Variants in CCR3 observed in about 807,000 individuals in gnomAD.
The protein encoded by CCR3 is C-C chemokine receptor type 3.
For synonymous variants in CCR3, 203 were observed against 179.2 expected, an observed-to-expected ratio of 1.13 and a Z score of -1.06; for missense variants, 419 against 437.5, an observed-to-expected ratio of 0.96 and a Z score of 0.38.
chr3:46,243,021 T>TATA (rs1700123419), intron 1 of CCR3, among the ~76,000 whole-genome samples: 3 of 63,390 alleles, frequency 4.7e-5, no homozygotes, highest in African/African-American at 1.0e-4. Context: ...ACACATACAT[T>TATA]TTTATATATA....
At chr3:46,258,066 C>G (rs1356162019) in intron 1 of CCR3, among the ~76,000 whole-genome samples, 1 of 152,194 alleles carries the variant, frequency 6.6e-6, no homozygotes, top group African/African-American at 2.4e-5. Flanking sequence ...GCCTGTCAAC[C>G]CTGAAAGCAG....
chr3:46,252,169 CTTTT>C (rs58623050), intron 1 of CCR3, among the ~76,000 whole-genome samples: 5 of 86,844 alleles, frequency 5.8e-5, no homozygotes, highest in Non-Finnish European at 1.1e-4. Context: ...TAGTTTCTGT[CTTTT>C]TTTTTTTTTT....
At chr3:46,255,281 G>C (rs548530810) in intron 1 of CCR3, among the ~76,000 whole-genome samples, 1 of 152,172 alleles carries the variant, frequency 6.6e-6, no homozygotes, top group African/African-American at 2.4e-5. Context: ...GTTCCTTGTA[G>C]ATTCTGGATA....
At chr3:46,228,830 C>T (rs1699931662) in intron 2 of CCR3, among the ~76,000 whole-genome samples, 1 of 152,220 alleles carries the variant, frequency 6.6e-6, no homozygotes, top group Non-Finnish European at 1.5e-5. Context: ...AAACACTTGG[C>T]ATGTGCCTGC....
intron 2 of CCR3, among the ~76,000 whole-genome samples, chr3:46,222,642 C>G (rs1006910515): frequency 3.3e-5 from 5 of 152,196 alleles, no homozygotes; most frequent in African/African-American, 9.6e-5. Flanking sequence ...ATGGCAGCAC[C>G]TTGCCACAGG....
chr3:46,246,850 G>A (rs184932384), intron 1 of CCR3, among the ~76,000 whole-genome samples: 6 of 152,154 alleles, frequency 3.9e-5, no homozygotes, highest in East Asian at 1.9e-4. Flanking sequence ...TGCTTCAAGC[G>A]GGATTAGGGG....
intron 2 of CCR3, among the ~76,000 whole-genome samples, chr3:46,227,236 C>T (rs762455819): frequency 6.6e-6 from 1 of 152,052 alleles, no homozygotes; most frequent in South Asian, 2.1e-4. Flanking sequence ...TGTCAATATT[C>T]AACAAACTAG....
At position 46,265,485 on chromosome 3, in the gene CCR3, C is replaced by T. The variant is rs200374023; in HGVS notation, c.327C>T (p.Leu109=). ...WVFGHGMCKL[L]SGFYHTGLYS... ...TTGGCCATGGCATGTGTAAGCTCCTCTCAGGGTTTTATCACACAGGCTTGT... is the reference window on the plus strand; with the variant it reads ...TTGGCCATGGCATGTGTAAGCTCCTTTCAGGGTTTTATCACACAGGCTTGT... The change falls in exon 2 of 2, where the codon CTC becomes CTT. Residue 109 remains leucine (L), a synonymous_variant. Coordinates refer to ENST00000395940, the MANE Select transcript of CCR3 (RefSeq NM_178329.3). The T allele has an allele frequency of 8.7e-6, 14 of 1,614,180 alleles. No homozygotes were observed. Among genetic ancestry groups the T allele is most frequent in the Non-Finnish European group, 1.2e-5 (14 of 1,180,018 alleles).
chr3:46,251,167 G>A (rs1331673576), intron 1 of CCR3, among the ~76,000 whole-genome samples: 1 of 152,088 alleles, frequency 6.6e-6, no homozygotes, highest in Admixed American at 6.5e-5. Flanking sequence ...TAAGGGTGAA[G>A]GACCAAGGCA....
intron 1 of CCR3, chr3:46,264,648 T>C (rs894821222): frequency 1.9e-6 from 1 of 534,436 alleles, no homozygotes; most frequent in Non-Finnish European, 3.3e-6. Context: ...GGCTCATCAT[T>C]ATGGGGCCCT....
chr3:46,265,457 T>A lies in CCR3; in HGVS notation c.299T>A (p.Val100Asp). ...CACTATGTCAGGGGGCATAACTGGGTTTTTGGCCATGGCATGTGTAAGCTC... is the reference window on the plus strand; with the variant it reads ...CACTATGTCAGGGGGCATAACTGGGATTTTGGCCATGGCATGTGTAAGCTC... ...WIHYVRGHNWVFGHGMCKLLS... is the reference protein window; with the variant it reads ...WIHYVRGHNWDFGHGMCKLLS... Residue 100 changes from valine (V) to aspartate (D), a missense_variant, in exon 2 of 2, where the codon GTT becomes GAT. Val to Asp is a radical substitution (Grantham distance 152, BLOSUM62 -3). Coordinates refer to ENST00000395940, the MANE Select transcript of CCR3 (RefSeq NM_178329.3). 1 of 1,614,056 alleles carries A rather than the reference T, an allele frequency of 6.2e-7. No individual in the cohort carries two copies. The highest frequency in any genetic ancestry group is 8.5e-7 in the Non-Finnish European group (1 of 1,179,968).
upstream of CCR3, among the ~76,000 whole-genome samples, chr3:46,237,903 T>G (rs570517482): frequency 6.6e-6 from 1 of 152,354 alleles, no homozygotes; most frequent in Admixed American, 6.5e-5. Context: ...TCCAGGTGCC[T>G]GATTTTGATC....
intron 2 of CCR3, among the ~76,000 whole-genome samples, chr3:46,221,254 G>C (rs1437950606): frequency 1.3e-5 from 2 of 152,180 alleles, no homozygotes; most frequent in Non-Finnish European, 2.9e-5. Context: ...GCACACCATT[G>C]CAGAGTACCT....
intron 2 of CCR3, among the ~76,000 whole-genome samples, chr3:46,230,534 C>T (rs1699950401): frequency 6.6e-6 from 1 of 152,032 alleles, no homozygotes; most frequent in African/African-American, 2.4e-5. Context: ...CCATTTTTTG[C>T]TTGTGTGATC....
At chr3:46,239,567 C>G (rs889206832), upstream of CCR3, among the ~76,000 whole-genome samples, 1 of 152,186 alleles carries the variant, frequency 6.6e-6, no homozygotes, top group Non-Finnish European at 1.5e-5. Context: ...CAGGTGCCTT[C>G]TATTTCACCA....
At chr3:46,212,215 C>T (rs945927878) in intron 2 of CCR3, among the ~76,000 whole-genome samples, 8 of 152,180 alleles carry the variant, frequency 5.3e-5, no homozygotes, top group African/African-American at 1.9e-4. Flanking sequence ...TGATGCAAAC[C>T]TTTTAGGTTC....
chr3:46,224,595 G>C (rs1699872375), intron 2 of CCR3, among the ~76,000 whole-genome samples: 1 of 151,996 alleles, frequency 6.6e-6, no homozygotes, highest in African/African-American at 2.4e-5. Flanking sequence ...AAATTAGCCA[G>C]GCATCGTGGC....
At chr3:46,222,110 C>G (rs1203579875) in intron 2 of CCR3, among the ~76,000 whole-genome samples, 1 of 152,218 alleles carries the variant, frequency 6.6e-6, no homozygotes, top group East Asian at 1.9e-4. Flanking sequence ...AGGCGTGACA[C>G]TCTCCACATC....
At chr3:46,261,887 C>T (rs1399746346) in intron 1 of CCR3, among the ~76,000 whole-genome samples, 3 of 152,186 alleles carry the variant, frequency 2.0e-5, no homozygotes, top group African/African-American at 7.2e-5. Flanking sequence ...GAGGGCTCTC[C>T]ATTCCAGCCC....
Sources: gnomAD v4.1 joint callset for allele counts (sites outside exome capture counted in the v4.1 genomes callset) on GRCh38, gnomAD v4.1.1 for gene constraint, MANE v1.5 for transcripts, NCBI Gene and HGNC (gene_info 2026-07-23, HGNC 2026-07-21) for gene names.